FSTL4: variants seen among roughly 807,000 people sequenced by gnomAD.
FSTL4 encodes follistatin like 4.
FSTL4 carries 28 observed loss-of-function variants against 78.2 expected under a neutral mutation model. The observed-to-expected ratio is 0.36, with a 90% confidence interval of 0.27 to 0.49. The LOEUF (loss-of-function observed/expected upper bound fraction) is 0.49. Among genes scored for constraint, FSTL4 ranks in the 20% least tolerant of loss-of-function variants. The probability of loss-of-function intolerance (pLI) is 0.98; values close to 1 mark genes in which losing one functional copy is unlikely to be tolerated. For synonymous variants in FSTL4, 422 were observed against 440.5 expected (o/e 0.96, Z 0.53); for missense variants, 922 against 1,084.9 (o/e 0.85, Z 2.11).
chr5:133,358,759 C>T (rs1755001113), intron 4 of FSTL4, among the ~76,000 whole-genome samples: 1 of 151,986 alleles, frequency 6.6e-6, no homozygotes, highest in Admixed American at 6.5e-5. Flanking sequence ...GCCACCACAC[C>T]CAGCTAATTT....
chr5:133,811,130 T>C, the FSTL4 span, among the ~76,000 whole-genome samples: 1 of 152,192 alleles, frequency 6.6e-6, no homozygotes, highest in African/African-American at 2.4e-5. Flanking sequence ...TCCAGCTCTA[T>C]TTCCCTTATG....
At chr5:133,657,476 A>C in the FSTL4 span, among the ~76,000 whole-genome samples, 4 of 152,184 alleles carry the variant, frequency 2.6e-5, no homozygotes, top group Admixed American at 6.5e-5. Context: ...CACATTGCTC[A>C]CTTCAGTGCA....
chr5:133,785,793 G>A, the FSTL4 span, among the ~76,000 whole-genome samples: 9 of 152,118 alleles, frequency 5.9e-5, no homozygotes, highest in Admixed American at 1.3e-4. Flanking sequence ...CATGGTTGCC[G>A]AAGCTCAGGG....
intron 6 of FSTL4, among the ~76,000 whole-genome samples, chr5:133,278,703 G>A (rs1368389734): frequency 1.3e-5 from 2 of 152,180 alleles, no homozygotes; most frequent in Non-Finnish European, 2.9e-5. Flanking sequence ...GAGCTCAGAG[G>A]GACATGTTCC....
intron 4 of FSTL4, among the ~76,000 whole-genome samples, chr5:133,372,980 T>C (rs946233073): frequency 6.6e-6 from 1 of 152,140 alleles, no homozygotes; most frequent in Non-Finnish European, 1.5e-5. Context: ...CCAGAATTCA[T>C]ACATTAAAGC....
At chr5:133,626,497 T>G in the FSTL4 span, among the ~76,000 whole-genome samples, 1,570 of 150,266 alleles carry the variant, frequency 0.01, 25 homozygotes, top group African/African-American at 0.036. Flanking sequence ...ACCACCGCAC[T>G]TGGCCCTCTT....
At chr5:133,793,646 A>T in the FSTL4 span, among the ~76,000 whole-genome samples, 1 of 152,218 alleles carries the variant, frequency 6.6e-6, no homozygotes, top group Non-Finnish European at 1.5e-5. Context: ...ACTAGCACAC[A>T]GCAGCTGCTT....
chr5:133,805,421 A>T, the FSTL4 span, among the ~76,000 whole-genome samples: 451 of 152,268 alleles, frequency 3.0e-3, 1 homozygote, highest in Middle Eastern at 0.01. Context: ...CAGAGGGTGG[A>T]GAAGAGGGAA....
the FSTL4 span, among the ~76,000 whole-genome samples, chr5:133,822,772 C>A: frequency 6.6e-6 from 1 of 152,176 alleles, no homozygotes; most frequent in Non-Finnish European, 1.5e-5. Context: ...GACCCACGAA[C>A]TCTAACGCCA....
intron 4 of FSTL4, among the ~76,000 whole-genome samples, chr5:133,372,581 C>T (rs543787649): frequency 6.6e-5 from 10 of 152,308 alleles, no homozygotes; most frequent in Non-Finnish European, 1.2e-4. Context: ...TGAGGACAAC[C>T]ACAATTCCAA....
At chr5:133,781,343 A>G in the FSTL4 span, among the ~76,000 whole-genome samples, 1 of 150,624 alleles carries the variant, frequency 6.6e-6, no homozygotes, top group Non-Finnish European at 1.5e-5. Flanking sequence ...CATTCCAAAC[A>G]AGGTCACTGA....
At chr5:133,786,787 G>T in the FSTL4 span, among the ~76,000 whole-genome samples, 7 of 152,206 alleles carry the variant, frequency 4.6e-5, no homozygotes, top group Non-Finnish European at 5.9e-5. Flanking sequence ...CATTATAATA[G>T]CAATAGTAAC....
intron 6 of FSTL4, among the ~76,000 whole-genome samples, chr5:133,298,277 G>A (rs754246093): frequency 2.6e-5 from 4 of 152,224 alleles, no homozygotes; most frequent in Non-Finnish European, 4.4e-5. Flanking sequence ...GGCTTCAGAG[G>A]CAAGCTCTGC....
At chr5:133,547,906 T>C (rs1470203550) in intron 3 of FSTL4, among the ~76,000 whole-genome samples, 1 of 152,154 alleles carries the variant, frequency 6.6e-6, no homozygotes, top group Non-Finnish European at 1.5e-5. Flanking sequence ...ACATGGCCAA[T>C]CATTAAAGTT....
chr5:133,320,280 A>T (rs1291999610), intron 4 of FSTL4, among the ~76,000 whole-genome samples: 1 of 152,090 alleles, frequency 6.6e-6, no homozygotes, highest in Non-Finnish European at 1.5e-5. Context: ...AGGTGTGTCA[A>T]AGTCATAGGT....
chr5:133,269,054 C>T (rs569885108), intron 6 of FSTL4, among the ~76,000 whole-genome samples: 11 of 151,954 alleles, frequency 7.2e-5, no homozygotes, highest in South Asian at 4.2e-4. Flanking sequence ...TGGTGGCGGG[C>T]GCCTGTAGTC....
At chr5:133,351,822 G>A (rs1159553437) in intron 4 of FSTL4, among the ~76,000 whole-genome samples, 2 of 152,022 alleles carry the variant, frequency 1.3e-5, no homozygotes, top group South Asian at 2.1e-4. Flanking sequence ...TGGTCAGGCT[G>A]GTCTCAAACT....
intron 3 of FSTL4, among the ~76,000 whole-genome samples, chr5:133,533,564 C>T (rs1759295718): frequency 6.6e-6 from 1 of 152,128 alleles, no homozygotes; most frequent in South Asian, 2.1e-4. Flanking sequence ...TATACTTAAG[C>T]CACCCAGTCC....
At chr5:133,283,964 A>G (rs1753069260) in intron 6 of FSTL4, among the ~76,000 whole-genome samples, 1 of 152,186 alleles carries the variant, frequency 6.6e-6, no homozygotes, top group African/African-American at 2.4e-5. Flanking sequence ...ACACACTTTG[A>G]AAACATCAGA....
Sources: gnomAD v4.1 joint callset for allele counts (sites outside exome capture counted in the v4.1 genomes callset) on GRCh38, gnomAD v4.1.1 for gene constraint, MANE v1.5 for transcripts, NCBI Gene and HGNC (gene_info 2026-07-23, HGNC 2026-07-21) for gene names.